SLC28A1: variants seen among roughly 807,000 people sequenced by gnomAD.
SLC28A1 encodes the protein solute carrier family 28 member 1, also known as sodium/nucleoside cotransporter 1.
Under a neutral mutation model 74.8 loss-of-function variants are expected in SLC28A1, and 64 were observed. That is an observed-to-expected ratio of 0.86 (90% CI 0.70 to 1.05). SLC28A1 has a LOEUF of 1.05. Among genes scored for constraint, SLC28A1 ranks in the 50% least tolerant of loss-of-function variants. The pLI is 0.00. For synonymous variants in SLC28A1, 359 were observed against 335.0 expected (o/e 1.07, Z -0.78); for missense variants, 828 against 822.8 (o/e 1.01, Z -0.08).
At chr15:84,952,667 C>T in the SLC28A1 span, among the ~76,000 whole-genome samples, 15 of 152,214 alleles carry the variant, frequency 9.9e-5, no homozygotes, top group Non-Finnish European at 1.5e-4. Flanking sequence ...AGGAGAATCG[C>T]TTGAGCCCGG....
chr15:84,906,983 T>C (rs2343677), intron 8 of SLC28A1, among the ~76,000 whole-genome samples: 88,890 of 151,970 alleles, frequency 0.58, 26,126 homozygotes, highest in South Asian at 0.69. Flanking sequence ...ATGAGTTGAG[T>C]GGAGGAGGTT....
At chr15:84,973,917 C>T in the SLC28A1 span, among the ~76,000 whole-genome samples, 1 of 152,150 alleles carries the variant, frequency 6.6e-6, no homozygotes, top group East Asian at 1.9e-4. Context: ...CAGAATCTTC[C>T]CCTCCACAGT....
intron 6 of SLC28A1, among the ~76,000 whole-genome samples, chr15:84,900,590 G>A (rs1966574121): frequency 6.6e-6 from 1 of 151,978 alleles, no homozygotes; most frequent in Non-Finnish European, 1.5e-5. Flanking sequence ...CTTAAGCCCA[G>A]GAGTTTGAGA....
chr15:84,966,173 G>T, the SLC28A1 span, among the ~76,000 whole-genome samples: 2 of 152,126 alleles, frequency 1.3e-5, no homozygotes, highest in African/African-American at 4.8e-5. Context: ...CACCTCCCAG[G>T]TTGAAGCGAT....
chr15:84,935,607 G>C, intron 15 of SLC28A1, 89 bp downstream of exon 15: 5 of 1,146,034 alleles, frequency 4.4e-6, no homozygotes, highest in Non-Finnish European at 6.4e-6. Context: ...CCCGCTCCCT[G>C]GGCCTGGCTG....
At chr15:84,949,491 T>TCCTCCCACCTCAG (rs986885378), downstream of SLC28A1, among the ~76,000 whole-genome samples, 2 of 151,098 alleles carry the variant, frequency 1.3e-5, no homozygotes, top group East Asian at 1.9e-4. Flanking sequence ...GCTCAAGGGG[T>TCCTCCCACCTCAG]CCTCCCACCT....
intron 9 of SLC28A1, among the ~76,000 whole-genome samples, chr15:84,914,352 TATATGAATTTAGGG>T (rs1968774842): frequency 6.6e-6 from 1 of 152,180 alleles, no homozygotes; most frequent in Admixed American, 6.5e-5. Flanking sequence ...TTGGTTTCAA[TATATGAATTTAGGG>T]GGACACAGAC....
At position 84,943,914 on chromosome 15, in the gene SLC28A1, A is replaced by G. The variant is rs201422406; in HGVS notation, c.1663+388A>G. Among the ~76,000 whole-genome samples, 389 of 152,174 alleles carry G rather than the reference A, an allele frequency of 2.6e-3. 3 individuals carry two copies. Among genetic ancestry groups the G allele is most frequent in the Admixed American group, 0.019 (283 of 15,294 alleles). On this transcript the variant is annotated intron_variant, in intron 16 of 18. Coordinates refer to ENST00000394573, the MANE Select transcript of SLC28A1 (RefSeq NM_004213.5). ...GCGAGACTCTGTCTCAAAAAAAAAA[A>G]AAGAAAAAAGAAAAAGATGTTCATA...
At chr15:84,970,317 C>G in the SLC28A1 span, among the ~76,000 whole-genome samples, 1 of 152,164 alleles carries the variant, frequency 6.6e-6, no homozygotes, top group East Asian at 1.9e-4. Context: ...CCAAGACCAC[C>G]CCATACATCT....
intron 10 of SLC28A1, among the ~76,000 whole-genome samples, chr15:84,920,703 G>GTGTGTGT (rs113735505): frequency 3.1e-4 from 42 of 137,400 alleles, no homozygotes; most frequent in African/African-American, 1.0e-3. Context: ...ATCTCCAAGG[G>GTGTGTGT]GTGTGTGTGT....
intron 6 of SLC28A1, among the ~76,000 whole-genome samples, chr15:84,899,683 T>C (rs1421132378): frequency 2.6e-5 from 4 of 152,176 alleles, no homozygotes; most frequent in Non-Finnish European, 5.9e-5. Context: ...ATAAGAACTC[T>C]TTCAGTCATA....
intron 16 of SLC28A1, 103 bp downstream of exon 16, chr15:84,943,629 A>C: frequency 1.1e-6 from 1 of 935,732 alleles, no homozygotes; most frequent in Non-Finnish European, 1.7e-6. Context: ...AGCAGGACCC[A>C]AACAAGATGG....
Position 84,943,470 on chromosome 15 carries a change from T to C in SLC28A1, c.1607T>C (p.Phe536Ser), listed in dbSNP as rs1972946975. ...ISVRAEVLTT[F>S]ALCGFANFSS... is the part of the protein sequence containing the mutation. ...GTCAGAGCTGAAGTCCTCACGACGT[T>C]TGCCCTCTGTGGATTTGCCAATTTC... The change falls in exon 16 of 19, where the codon TTT becomes TCT. Residue 536 changes from phenylalanine to serine, a missense_variant. Coordinates refer to ENST00000394573, the MANE Select transcript of SLC28A1 (RefSeq NM_004213.5). 8.7e-6 allele frequency: 14 copies of C among 1,614,094 alleles called. No homozygotes were observed. The East Asian group carries it at 3.1e-4, about 36-fold the overall frequency.
chr15:84,911,870 AAAAAAAAG>A (rs1342786930), intron 9 of SLC28A1, among the ~76,000 whole-genome samples: 49 of 150,144 alleles, frequency 3.3e-4, no homozygotes, highest in African/African-American at 8.0e-4. Flanking sequence ...AAAAAAAAAA[AAAAAAAAG>A]AAGAAGAAGA....
chr15:84,893,162 G>A (rs1307545441), intron 5 of SLC28A1, among the ~76,000 whole-genome samples: 1 of 151,966 alleles, frequency 6.6e-6, no homozygotes, highest in Non-Finnish European at 1.5e-5. Flanking sequence ...CCCTCCCTGT[G>A]TGAGGCACTC....
At chr15:84,938,083 C>T (rs1336853755) in intron 15 of SLC28A1, among the ~76,000 whole-genome samples, 2 of 151,712 alleles carry the variant, frequency 1.3e-5, no homozygotes, top group East Asian at 3.9e-4. Flanking sequence ...GCATGTAATC[C>T]CAGCTACTCA....
downstream of SLC28A1, among the ~76,000 whole-genome samples, chr15:84,948,036 T>A (rs1238124247): frequency 6.6e-6 from 1 of 152,202 alleles, no homozygotes; most frequent in Non-Finnish European, 1.5e-5. Flanking sequence ...GTATAACTTG[T>A]AATTCAGCCC....
At chr15:84,960,224 C>A in the SLC28A1 span, among the ~76,000 whole-genome samples, 1 of 134,428 alleles carries the variant, frequency 7.4e-6, no homozygotes, top group Non-Finnish European at 1.5e-5. Context: ...CCTGTGCCTG[C>A]CTGCTTTTTT....
Position 84,905,446 on chromosome 15 carries a change from G to A in SLC28A1, c.604-93G>A. On this transcript the variant is annotated intron_variant, in intron 7 of 18. Coordinates refer to ENST00000394573, the MANE Select transcript of SLC28A1 (RefSeq NM_004213.5). ...CTGCCTGGCTCCAGCCCCATCCTCT[G>A]GGCAGGGCAATGCCCCCTGCTCTCA... 8 of 847,930 alleles carry A rather than the reference G, an allele frequency of 9.4e-6. No homozygotes were observed. In the Admixed American group the frequency reaches 1.1e-4, roughly 12 times the overall value. 52.5% of individuals were successfully genotyped at this position (847,930 alleles called of 1,614,324 possible).
Sources: allele counts gnomAD v4.1 joint callset (sites outside exome capture counted in the v4.1 genomes callset), GRCh38; gene constraint gnomAD v4.1.1; transcripts MANE v1.5; gene names NCBI Gene and HGNC (gene_info 2026-07-23, HGNC 2026-07-21).